The following CYTH3 variants were observed in gnomAD, a reference collection of about 807,000 sequenced individuals.
CYTH3 encodes cytohesin-3.
A neutral mutation model predicts 55.1 loss-of-function variants in CYTH3; 23 were observed. That is an observed-to-expected ratio of 0.42 (90% CI 0.30 to 0.59). The LOEUF is 0.59. CYTH3 is among the 20% of genes least tolerant of loss of function. CYTH3 has a pLI of 0.20. For missense variants in CYTH3, 413 were observed against 524.8 expected, an observed-to-expected ratio of 0.79 and a Z score of 2.08; for synonymous variants, 249 against 194.9, an observed-to-expected ratio of 1.28 and a Z score of -2.31.
chr7:6,258,083 G>A (rs1349340092), intron 1 of CYTH3, among the ~76,000 whole-genome samples: 4 of 152,170 alleles, frequency 2.6e-5, no homozygotes, highest in Non-Finnish European at 4.4e-5. Flanking sequence ...GGACCAGCCT[G>A]AGCAACGTAG....
rs1002037519 is a variant in CYTH3 at position 6,183,875 on chromosome 7, G to A, written c.249+3175C>T. 2.6e-5 allele frequency among the ~76,000 whole-genome samples: 4 copies of A among 151,956 alleles called. No individual in the cohort carries two copies. The East Asian group carries it at 7.8e-4, about 29-fold the overall frequency. On this transcript the variant is annotated intron_variant, in intron 4 of 12. Coordinates refer to ENST00000350796, the MANE Select transcript of CYTH3 (RefSeq NM_004227.4). The stretch of plus-strand genomic sequence containing the variant: ...CCTTATAAGAACATCACCCTAGAGT[G>A]AGTAAGTTCTCCTTACTCCCCAGCA...
chr7:6,175,004 A>G (rs1390067183), intron 5 of CYTH3, among the ~76,000 whole-genome samples: 1 of 152,234 alleles, frequency 6.6e-6, no homozygotes, highest in African/African-American at 2.4e-5. Context: ...TTCTTTATAT[A>G]ATCTAGATAG....
At chr7:6,204,294 T>C (rs1784135371) in intron 1 of CYTH3, among the ~76,000 whole-genome samples, 1 of 152,180 alleles carries the variant, frequency 6.6e-6, no homozygotes, top group Non-Finnish European at 1.5e-5. Flanking sequence ...AGGATTGGTG[T>C]AGTGGAGATG....
At chr7:6,253,647 C>A (rs532166874) in intron 1 of CYTH3, among the ~76,000 whole-genome samples, 1 of 152,180 alleles carries the variant, frequency 6.6e-6, no homozygotes, top group African/African-American at 2.4e-5. Context: ...GAAACCCTAT[C>A]TCTACTAAAA....
rs536847285 is a variant in CYTH3 at position 6,218,659 on chromosome 7, C to T, written c.35-28128G>A. Among the ~76,000 whole-genome samples the T allele has an allele frequency of 1.2e-4, 18 of 152,194 alleles. 1 individual carries two copies. In the South Asian group the frequency reaches 1.7e-3, roughly 14 times the overall value. On this transcript the variant is annotated intron_variant, in intron 1 of 12. Coordinates refer to ENST00000350796, the MANE Select transcript of CYTH3 (RefSeq NM_004227.4). ...GAGGCTGGAATAATTTTGAAGATGA[C>T]GATACAGAAAGCCTAGATTGCCTTA...
Position 6,164,573 on chromosome 7 carries a change from G to T in CYTH3, c.*371C>A. 3.8e-6 allele frequency: 1 copy of T among 263,710 alleles called. No individual in the cohort carries two copies. Among genetic ancestry groups the T allele is most frequent in the Middle Eastern group, 1.2e-3 (1 of 852 alleles). 16.3% of individuals were successfully genotyped at this position (263,710 alleles called of 1,614,324 possible). On this transcript the variant is annotated 3_prime_UTR_variant, in exon 13 of 13. Coordinates refer to ENST00000350796, the MANE Select transcript of CYTH3 (RefSeq NM_004227.4). ...GGCTCCCGTCTGTGGAATCCGTCCCGTGTCTGCTGTGGAGACAGCGGAAGC... is the reference window on the plus strand; with the variant it reads ...GGCTCCCGTCTGTGGAATCCGTCCCTTGTCTGCTGTGGAGACAGCGGAAGC...
At chr7:6,211,261 T>G (rs955972429) in intron 1 of CYTH3, among the ~76,000 whole-genome samples, 4 of 152,222 alleles carry the variant, frequency 2.6e-5, no homozygotes, top group African/African-American at 7.2e-5. Context: ...GGACAGACTC[T>G]CAGCTCCCTG....
At chr7:6,191,401 C>A (rs1195624774) in intron 1 of CYTH3, among the ~76,000 whole-genome samples, 2 of 152,110 alleles carry the variant, frequency 1.3e-5, no homozygotes, top group Non-Finnish European at 2.9e-5. Context: ...ACAGACTGGA[C>A]TCTTCAATAA....
chr7:6,211,590 C>G (rs1162464560), intron 1 of CYTH3, among the ~76,000 whole-genome samples: 4 of 152,114 alleles, frequency 2.6e-5, no homozygotes, highest in Admixed American at 2.6e-4. Flanking sequence ...AGTTCAAATC[C>G]CAAAGTGCTG....
chr7:6,249,777 G>A (rs754917451), intron 1 of CYTH3, among the ~76,000 whole-genome samples: 4 of 152,236 alleles, frequency 2.6e-5, no homozygotes, highest in African/African-American at 7.2e-5. Flanking sequence ...TGTACATCTC[G>A]ATGTCTTGAT....
chr7:6,165,859 C>G (rs369910190), intron 9 of CYTH3, 49 bp from the exon 10 acceptor site: 7 of 1,600,200 alleles, frequency 4.4e-6, no homozygotes, highest in Non-Finnish European at 5.1e-6. Flanking sequence ...ACAGGGAGCC[C>G]GCGGGTCCAA....
intron 1 of CYTH3, among the ~76,000 whole-genome samples, chr7:6,218,469 C>T (rs1381726769): frequency 6.6e-6 from 1 of 152,204 alleles, no homozygotes; most frequent in Non-Finnish European, 1.5e-5. Context: ...AAGCTGATTT[C>T]AGACTTCTTA....
At chr7:6,179,555 A>AC (rs1783422107) in intron 4 of CYTH3, among the ~76,000 whole-genome samples, 1 of 151,566 alleles carries the variant, frequency 6.6e-6, no homozygotes, top group Non-Finnish European at 1.5e-5. Flanking sequence ...TGGTGATGGT[A>AC]CCCACAGGGG....
chr7:6,244,882 G>A (rs1251596257), intron 1 of CYTH3, among the ~76,000 whole-genome samples: 4 of 148,878 alleles, frequency 2.7e-5, no homozygotes, highest in South Asian at 2.1e-4. Flanking sequence ...TCTGCCTCCC[G>A]GGTTCACGCC....
intron 11 of CYTH3, 32 bp from the exon 12 acceptor site, chr7:6,165,459 G>A (rs370290642): frequency 3.7e-6 from 6 of 1,608,828 alleles, no homozygotes; most frequent in Non-Finnish European, 5.1e-6. Context: ...GAGGCGGTCA[G>A]GGGGGCTTGG....
At chr7:6,229,416 G>A (rs1779330450) in intron 1 of CYTH3, among the ~76,000 whole-genome samples, 1 of 152,108 alleles carries the variant, frequency 6.6e-6, no homozygotes, top group South Asian at 2.1e-4. Context: ...CCAGGAACAA[G>A]CAACAGTGGT....
intron 1 of CYTH3, among the ~76,000 whole-genome samples, chr7:6,260,502 C>G (rs1245624150): frequency 6.6e-6 from 1 of 152,118 alleles, no homozygotes; most frequent in African/African-American, 2.4e-5. Context: ...ATGGCACGTG[C>G]CTTTCCTTCA....
chr7:6,168,424 G>A (rs1194978569), intron 9 of CYTH3, among the ~76,000 whole-genome samples: 1 of 152,022 alleles, frequency 6.6e-6, no homozygotes, highest in South Asian at 2.1e-4. Flanking sequence ...GCACACGCCT[G>A]GAAGCACGTT....
chr7:6,238,616 C>T (rs1583187508), intron 1 of CYTH3, among the ~76,000 whole-genome samples: 2 of 152,142 alleles, frequency 1.3e-5, no homozygotes, highest in East Asian at 3.9e-4. Flanking sequence ...GGTGGGTACT[C>T]ATCATTACAT....
Sources: gnomAD v4.1 joint callset for allele counts (sites outside exome capture counted in the v4.1 genomes callset) on GRCh38, gnomAD v4.1.1 for gene constraint, MANE v1.5 for transcripts, NCBI Gene and HGNC (gene_info 2026-07-23, HGNC 2026-07-21) for gene names.